Variants in AAK1 observed in about 807,000 individuals in gnomAD.
The protein encoded by AAK1 is AP2-associated protein kinase 1.
In AAK1, 37 loss-of-function variants were observed where a neutral mutation model predicts 116.0. The ratio of observed to expected loss-of-function variants is 0.32; its 90% CI spans 0.25 to 0.42. The LOEUF is 0.42. AAK1 is among the 10% of genes least tolerant of loss of function. The pLI, the probability that AAK1 is intolerant of heterozygous loss-of-function variation, is 1.00. For missense variants in AAK1, 919 were observed against 1,170.6 expected, an observed-to-expected ratio of 0.79 and a Z score of 3.14; for synonymous variants, 458 against 439.9, an observed-to-expected ratio of 1.04 and a Z score of -0.51.
rs1674513956 is a variant in AAK1, at chr2:69,467,140, G to A, written c.*8729C>T. The A allele has an allele frequency of 1.0e-6, 1 of 985,314 alleles. No individual in the cohort carries two copies. Among genetic ancestry groups the A allele is most frequent in the Non-Finnish European group, 1.2e-6 (1 of 829,924 alleles). The allele number at this position is 985,314 out of a possible 1,614,324, so 61.0% of individuals were successfully genotyped here. A position where few individuals can be genotyped will look rare whatever the true frequency, so the allele number is the denominator to read the frequency against. ...TATAAATACTGAAGGTACCTTCTGA[G>A]GGGAGCATACAGCATCAAAATCAGA... On this transcript the variant is annotated 3_prime_UTR_variant, in exon 22 of 22. Coordinates refer to ENST00000409085, the MANE Select transcript of AAK1 (RefSeq NM_014911.5).
At position 69,461,739 on chromosome 2, in the gene AAK1, G is replaced by A. The variant is rs931065882; in HGVS notation, c.*14130C>T. On this transcript the variant is annotated 3_prime_UTR_variant, in exon 22 of 22. Transcript: ENST00000409085. Reference sequence around the variant, plus strand: ...CCCTAGTAACTGGGACTACAGGTGCGTGCCATCACGCCCAGCTACTTTTTG... The same window carrying A: ...CCCTAGTAACTGGGACTACAGGTGCATGCCATCACGCCCAGCTACTTTTTG... The A allele has an allele frequency of 2.3e-5, 8 of 344,530 alleles. No individual in the cohort carries two copies. The highest frequency in any genetic ancestry group is 2.4e-4 in the East Asian group (2 of 8,486). The allele number at this position is 344,530 out of a possible 1,614,324, so 21.3% of individuals were successfully genotyped here. A position where few individuals can be genotyped will look rare whatever the true frequency, so the allele number is the denominator to read the frequency against.
Position 69,468,191 on chromosome 2 carries a change from T to C in AAK1, c.*7678A>G, listed in dbSNP as rs2104864803. 1.0e-6 allele frequency: 1 copy of C among 985,404 alleles called. No homozygotes were observed. The highest frequency in any genetic ancestry group is 1.2e-6 in the Non-Finnish European group (1 of 829,926). 61.0% of individuals were successfully genotyped at this position (985,404 alleles called of 1,614,324 possible). On this transcript the variant is annotated 3_prime_UTR_variant, in exon 22 of 22. Transcript: ENST00000409085. ...ATGGTGATACGAAAGCATCAGTCAGTGGACAGGAAATAAACAGAATACCTT... is the reference window on the plus strand; with the variant it reads ...ATGGTGATACGAAAGCATCAGTCAGCGGACAGGAAATAAACAGAATACCTT...
At chr2:69,495,274 G>A (rs985353983) in intron 17 of AAK1, among the ~76,000 whole-genome samples, 1 of 152,160 alleles carries the variant, frequency 6.6e-6, no homozygotes, top group African/African-American at 2.4e-5. Context: ...CTCCAACTGG[G>A]AAGCATCCAA....
At chr2:69,567,958 G>C in intron 2 of AAK1, among the ~76,000 whole-genome samples, 1 of 152,214 alleles carries the variant, frequency 6.6e-6, no homozygotes, top group East Asian at 1.9e-4. Flanking sequence ...TTGCCTAAAG[G>C]AATGGAGAGC....
At chr2:69,521,733 A>T (rs1232584179) in intron 10 of AAK1, among the ~76,000 whole-genome samples, 1 of 152,252 alleles carries the variant, frequency 6.6e-6, no homozygotes, top group Non-Finnish European at 1.5e-5. Context: ...ATCAGGTGGC[A>T]GTTTCCAGAA....
chr2:69,621,034 G>A (rs17036830), intron 2 of AAK1, among the ~76,000 whole-genome samples: 20,062 of 152,156 alleles, frequency 0.13, 3,065 homozygotes, highest in African/African-American at 0.36. Flanking sequence ...AGGGTGTAAA[G>A]AACACCAGAG....
intron 5 of AAK1, among the ~76,000 whole-genome samples, chr2:69,536,331 A>T (rs999293973): frequency 6.6e-6 from 1 of 152,210 alleles, no homozygotes; most frequent in African/African-American, 2.4e-5. Context: ...TTTTATGAAA[A>T]TTAGCTTGGC....
At chr2:69,526,370 A>T (rs1397187984) in intron 9 of AAK1, among the ~76,000 whole-genome samples, 2 of 152,230 alleles carry the variant, frequency 1.3e-5, no homozygotes, top group Non-Finnish European at 2.9e-5. Context: ...TCAAAAGTTC[A>T]TTATTGGAGG....
chr2:69,641,581 A>G (rs1022201570), intron 2 of AAK1, among the ~76,000 whole-genome samples: 1 of 152,172 alleles, frequency 6.6e-6, no homozygotes, highest in Non-Finnish European at 1.5e-5. Context: ...TTTAAAGTAC[A>G]GACTTCAACT....
At chr2:69,490,673 AGTT>A (rs771141827) in intron 17 of AAK1, among the ~76,000 whole-genome samples, 7 of 152,018 alleles carry the variant, frequency 4.6e-5, no homozygotes, top group Non-Finnish European at 8.8e-5. Flanking sequence ...GGAAATAGAG[AGTT>A]GTTGTTTAAT....
At chr2:69,530,557 A>T (rs1670213140) in intron 7 of AAK1, 68 bp downstream of exon 7, 1 of 1,349,406 alleles carries the variant, frequency 7.4e-7, no homozygotes, top group African/African-American at 1.4e-5. Flanking sequence ...CGCTGTGTGC[A>T]TTAACCTTGG....
chr2:69,478,326 T>C (rs1057086871), intron 20 of AAK1: 1 of 152,306 alleles, frequency 6.6e-6, no homozygotes, highest in Admixed American at 6.5e-5. Flanking sequence ...ACTGCAAAGG[T>C]ATCTAGCTCT....
rs965675018 is a variant in AAK1, at chr2:69,522,886, C to T, written c.1056-1898G>A. Reference sequence around the variant, plus strand: ...TCTGTAGAAACCCAAACAGCACAACCTCCATGTTGATCATCTCTTGAGGGG... The same window carrying T: ...TCTGTAGAAACCCAAACAGCACAACTTCCATGTTGATCATCTCTTGAGGGG... On this transcript the variant is annotated intron_variant, in intron 10 of 21. Transcript: ENST00000409085. 2.6e-5 allele frequency among the ~76,000 whole-genome samples: 4 copies of T among 152,166 alleles called. No individual in the cohort carries two copies. The East Asian group carries it at 7.7e-4, about 29-fold the overall frequency.
At chr2:69,480,990 A>C in intron 18 of AAK1, 29 bp from the exon 19 acceptor site, 3 of 1,538,824 alleles carry the variant, frequency 1.9e-6, no homozygotes, top group Non-Finnish European at 2.7e-6. Context: ...AAGAAGAGGA[A>C]AGGGTAAGGG....
In AAK1 at chr2:69,466,093, T is replaced by G. The variant is rs565263245; in HGVS notation, c.*9776A>C. 2.3e-6 allele frequency: 3 copies of G among 1,290,804 alleles called. No individual in the cohort carries two copies. Among genetic ancestry groups the G allele is most frequent in the Non-Finnish European group, 1.0e-6 (1 of 988,884 alleles). The allele number at this position is 1,290,804 out of a possible 1,614,324, so 80.0% of individuals were successfully genotyped here. ...ATGTCCATGTCATCATTTGGAACCC[T>G]TGAGCTCCTGAAGGGAGCTATGGCA... On this transcript the variant is annotated 3_prime_UTR_variant, in exon 22 of 22. Transcript: ENST00000409085.
chr2:69,500,698 T>TATACACAC lies in AAK1; in HGVS notation c.2270-4619_2270-4618insGTGTGTAT. The stretch of plus-strand genomic sequence containing the variant: ...ATATATATATATATATATATATATA[T>TATACACAC]ACACACACACACACACACACACACA... On this transcript the variant is annotated intron_variant, in intron 16 of 21. Transcript: ENST00000409085. Among the ~76,000 whole-genome samples, 485 of 65,002 alleles carry TATACACAC rather than the reference T, an allele frequency of 7.5e-3. 8 individuals are homozygous for TATACACAC. The highest frequency in any genetic ancestry group is 0.016 in the African/African-American group (196 of 12,632). 42.6% of individuals were successfully genotyped at this position (65,002 alleles called of 152,430 possible).
intron 9 of AAK1, 31 bp from the exon 10 acceptor site, chr2:69,525,143 C>G (rs755419829): frequency 6.2e-7 from 1 of 1,600,584 alleles, no homozygotes; most frequent in Admixed American, 1.7e-5. Flanking sequence ...CAGAACAAAA[C>G]AAAAGGACAT....
rs542064546 is a variant in AAK1 at position 69,477,569 on chromosome 2, G to A, written c.2681-579C>T. Among the ~76,000 whole-genome samples the A allele has an allele frequency of 2.6e-5, 4 of 151,182 alleles. No individual in the cohort carries two copies. In the East Asian group the frequency reaches 7.7e-4, roughly 29 times the overall value. On this transcript the variant is annotated intron_variant, in intron 20 of 21. Transcript: ENST00000409085. ...ACACGCACTGAGGCCTCAAGTAGAA[G>A]TTTGTTAGAATAGTCTTCTCCATTC... is the stretch of plus-strand genomic sequence containing the variant.
intron 2 of AAK1, among the ~76,000 whole-genome samples, chr2:69,577,194 G>C (rs565287028): frequency 6.6e-6 from 1 of 152,188 alleles, no homozygotes; most frequent in African/African-American, 2.4e-5. Flanking sequence ...CTGGTTGTTT[G>C]CCCAGTGCTC....
Sources: gnomAD v4.1 joint callset for allele counts (sites outside exome capture counted in the v4.1 genomes callset) on GRCh38, gnomAD v4.1.1 for gene constraint, MANE v1.5 for transcripts, NCBI Gene and HGNC (gene_info 2026-07-23, HGNC 2026-07-21) for gene names.